VAT1: variants seen among roughly 807,000 people sequenced by gnomAD.
VAT1 encodes vesicle amine transport 1.
Under a neutral mutation model 33.3 loss-of-function variants are expected in VAT1, and 24 were observed. The observed-to-expected ratio is 0.72, with a 90% CI of 0.52 to 1.01. The LOEUF is 1.01. VAT1 is among the 50% of genes least tolerant of loss of function. The pLI, the probability that VAT1 is intolerant of heterozygous loss-of-function variation, is 0.00. For missense variants in VAT1, 436 were observed against 533.7 expected (o/e 0.82, Z 1.80); for synonymous variants, 212 against 225.0 (o/e 0.94, Z 0.52).
rs773595876 is a variant in VAT1 at position 43,022,107 on chromosome 17, C to T, written c.216G>A (p.Pro72=). ...VKLQSRPAAP[P]APGPGQLTLR... Reference sequence around the variant, plus strand: ...GCGTCAGCTGGCCGGGCCCAGGGGCCGGGGGCGCTGCCGGCCGGCTCTGCA... The same window carrying T: ...GCGTCAGCTGGCCGGGCCCAGGGGCTGGGGGCGCTGCCGGCCGGCTCTGCA... The change falls in exon 1 of 6, where the codon CCG becomes CCA. Residue 72 remains proline (P), a synonymous_variant. Transcript: ENST00000355653. 3.1e-5 allele frequency: 49 copies of T among 1,572,606 alleles called. No individual in the cohort carries two copies. The Middle Eastern group carries it at 5.9e-4, about 19-fold the overall frequency.
At chr17:43,018,560 G>A (rs759741491) in intron 2 of VAT1, 32 bp downstream of exon 2, 1 of 1,609,984 alleles carries the variant, frequency 6.2e-7, no homozygotes, top group Non-Finnish European at 8.5e-7. Context: ...TCTGGGTGGG[G>A]TAAGGGGTGA....
At chr17:43,018,325 C>T (rs1028996709) in intron 2 of VAT1, 119 bp from the exon 3 acceptor site, 48 of 1,245,530 alleles carry the variant, frequency 3.9e-5, no homozygotes, top group South Asian at 1.7e-4. Flanking sequence ...ATTTTAGGGC[C>T]GTGTCTAATT....
chr17:43,015,554 TGGGAACTGGTCAAGCCCAGAGGC>T lies in VAT1; in HGVS notation c.*484_*506del, dbSNP rs1885704707. The T allele has an allele frequency of 6.2e-6, 1 of 160,608 alleles. No individual in the cohort carries two copies. The highest frequency in any genetic ancestry group is 1.7e-4 in the South Asian group (1 of 5,724). 9.9% of individuals were successfully genotyped at this position (160,608 alleles called of 1,614,324 possible). A position where few individuals can be genotyped will look rare whatever the true frequency, so the allele number is the denominator to read the frequency against. ...AGAAGTTGGGGACAGAGGACGAGAT[TGGGAACTGGTCAAGCCCAGAGGC>T]GGGCACTGGTCAGCCCAGGCTGAAG... On this transcript the variant is annotated 3_prime_UTR_variant, in exon 6 of 6. Transcript: ENST00000355653.
chr17:43,015,027 C>T lies in VAT1; in HGVS notation c.*1034G>A, dbSNP rs2151970172. ...TGGTCCCAGTACAAGAAACAGACAG[C>T]ACTGCCTTTCAGAGCTCTGGCTAGT... On this transcript the variant is annotated 3_prime_UTR_variant, in exon 6 of 6. Transcript: ENST00000355653. 6.5e-6 allele frequency: 1 copy of T among 152,794 alleles called. No homozygotes were observed. The highest frequency in any genetic ancestry group is 1.9e-4 in the East Asian group (1 of 5,190). 9.5% of individuals were successfully genotyped at this position (152,794 alleles called of 1,614,324 possible).
chr17:43,016,591 A>C, intron 4 of VAT1, 43 bp from the exon 5 acceptor site: 1 of 1,602,838 alleles, frequency 6.2e-7, no homozygotes, highest in Non-Finnish European at 8.5e-7. Context: ...CCCCAGGCAC[A>C]TCCCTGTGTG....
chr17:43,018,771 C>G lies in VAT1; in HGVS notation c.416G>C (p.Arg139Pro). 2 of 1,614,112 alleles carry G rather than the reference C, an allele frequency of 1.2e-6. No individual in the cohort carries two copies. Among genetic ancestry groups the G allele is most frequent in the South Asian group, 1.1e-5 (1 of 91,076 alleles). ...CACCTCTTCCTGCCACATCCCTGAC[C>G]GGTTCAACACCATCACCCGGTCTCC... is the stretch of plus-strand genomic sequence containing the variant. ...KAGDRVMVLN[R>P]SGMWQEEVTV... The change falls in exon 2 of 6, where the codon CGG (arginine) becomes CCG (proline). Residue 139 changes from arginine to proline, a missense_variant. By Grantham distance (103) the Arg-to-Pro change is moderately radical (BLOSUM62 -2). Transcript: ENST00000355653.
At position 43,015,187 on chromosome 17, in the gene VAT1, C is replaced by A. The variant is rs1437689679; in HGVS notation, c.*874G>T. 1 of 152,708 alleles carries A rather than the reference C, an allele frequency of 6.5e-6. No homozygotes were observed. The highest frequency in any genetic ancestry group is 1.5e-5 in the Non-Finnish European group (1 of 68,120). The allele number at this position is 152,708 out of a possible 1,614,324, so 9.5% of individuals were successfully genotyped here. On this transcript the variant is annotated 3_prime_UTR_variant, in exon 6 of 6. Transcript: ENST00000355653. ...GCCTCCCCAGGAGGCTTGGGGCTGCCCCACCCAATGGCACATACACAGATT... is the reference window on the plus strand; with the variant it reads ...GCCTCCCCAGGAGGCTTGGGGCTGCACCACCCAATGGCACATACACAGATT...
chr17:43,022,382 G>A lies in VAT1; in HGVS notation c.-60C>T. On this transcript the variant is annotated 5_prime_UTR_variant, in exon 1 of 6. Transcript: ENST00000355653. Reference sequence around the variant, plus strand: ...GGAGAGTGCACAGCTGGGGAAGGCGGAACGCGTCGGGAAGAGCCGCGGCTG... The same window carrying A: ...GGAGAGTGCACAGCTGGGGAAGGCGAAACGCGTCGGGAAGAGCCGCGGCTG... 3 of 1,451,358 alleles carry A rather than the reference G, an allele frequency of 2.1e-6. No individual in the cohort carries two copies. The highest frequency in any genetic ancestry group is 1.8e-6 in the Non-Finnish European group (2 of 1,104,352). 89.9% of individuals were successfully genotyped at this position (1,451,358 alleles called of 1,614,324 possible).
At chr17:43,017,576 C>A (rs2050530888) in intron 4 of VAT1, among the ~76,000 whole-genome samples, 1 of 94,772 alleles carries the variant, frequency 1.1e-5, no homozygotes, top group African/African-American at 4.3e-5. Flanking sequence ...GAGCGAAACT[C>A]CATCTCAAAA....
intron 1 of VAT1, among the ~76,000 whole-genome samples, chr17:43,021,701 G>A (rs1456719350): frequency 1.3e-5 from 2 of 152,028 alleles, no homozygotes; most frequent in African/African-American, 4.8e-5. Flanking sequence ...GCTTCTGGGC[G>A]GCGGCCACAA....
At chr17:43,021,824 C>T in intron 1 of VAT1, 112 bp downstream of exon 1, 2 of 1,492,894 alleles carry the variant, frequency 1.3e-6, no homozygotes, top group Non-Finnish European at 1.8e-6. Context: ...CGCTCGTGCA[C>T]CCAGGTCCGC....
rs769944102 is a variant in VAT1 at position 43,016,292 on chromosome 17, A to G, written c.1098+15T>C. 1.2e-6 allele frequency: 2 copies of G among 1,607,072 alleles called. No homozygotes were observed. The highest frequency in any genetic ancestry group is 3.3e-5 in the Admixed American group (2 of 59,962). The stretch of plus-strand genomic sequence containing the variant: ...AGTCCTACCCAAGCCCTCCCTGCAA[A>G]GTCCTCACATTCACCTTCTCGAAGG... On this transcript the variant is annotated intron_variant, in intron 5 of 5. Transcript: ENST00000355653.
intron 4 of VAT1, among the ~76,000 whole-genome samples, chr17:43,017,458 C>T (rs2050529628): frequency 6.6e-6 from 1 of 151,516 alleles, no homozygotes; most frequent in African/African-American, 2.4e-5. Context: ...TGGCAGACAC[C>T]TGTAATTCCA....
At position 43,015,914 on chromosome 17, in the gene VAT1, G is replaced by C. The variant is rs2050516349; in HGVS notation, c.*147C>G. 1.2e-6 allele frequency: 1 copy of C among 863,048 alleles called. No individual in the cohort carries two copies. The highest frequency in any genetic ancestry group is 1.9e-6 in the Non-Finnish European group (1 of 531,590). The allele number at this position is 863,048 out of a possible 1,614,324, so 53.5% of individuals were successfully genotyped here. ...AGAGGTCAGGAAGCGGGGAGGGGCA[G>C]GGGAGAGCGGTCATCACCACAGAGA... is the stretch of plus-strand genomic sequence containing the variant. On this transcript the variant is annotated 3_prime_UTR_variant, in exon 6 of 6. Coordinates refer to ENST00000355653, the MANE Select transcript of VAT1 (RefSeq NM_006373.4).
rs1042017794 is a variant in VAT1, at chr17:43,017,440, G to A, written c.856+401C>T. Among the ~76,000 whole-genome samples, 4 of 151,550 alleles carry A rather than the reference G, an allele frequency of 2.6e-5. No individual in the cohort carries two copies. The East Asian group carries it at 7.8e-4, about 30-fold the overall frequency. ...TCTACTAAAAATACAAAAATTAGTTGGGCGTGGTGGCAGACACCTGTAATT... is the reference window on the plus strand; with the variant it reads ...TCTACTAAAAATACAAAAATTAGTTAGGCGTGGTGGCAGACACCTGTAATT... On this transcript the variant is annotated intron_variant, in intron 4 of 5. Coordinates refer to ENST00000355653, the MANE Select transcript of VAT1 (RefSeq NM_006373.4).
intron 4 of VAT1, 40 bp downstream of exon 4, chr17:43,017,801 G>A (rs758566823): frequency 1.9e-6 from 3 of 1,590,368 alleles, no homozygotes; most frequent in Non-Finnish European, 2.6e-6. Context: ...CCTCCCTCCT[G>A]CCCTCACATG....
rs1567748012 is a variant in VAT1, at chr17:43,022,284, C to T, written c.39G>A (p.Gly13=). 1 of 1,588,318 alleles carries T rather than the reference C, an allele frequency of 6.3e-7. No homozygotes were observed. The highest frequency in any genetic ancestry group is 8.6e-7 in the Non-Finnish European group (1 of 1,169,580). Residue 13 remains glycine (G), a synonymous_variant, in exon 1 of 6, where the codon GGG becomes GGA. Coordinates refer to ENST00000355653, the MANE Select transcript of VAT1 (RefSeq NM_006373.4). ...DEREVAEAAT[G]EDASSPPPKT... ...TCGGAGGCGGCGAAGAGGCGTCTTC[C>T]CCGGTCGCTGCCTCGGCTACCTCTC...
chr17:43,020,505 A>C (rs941433569), intron 1 of VAT1, among the ~76,000 whole-genome samples: 33 of 152,144 alleles, frequency 2.2e-4, no homozygotes, highest in African/African-American at 8.0e-4. Context: ...GAATCCAACA[A>C]ACCTGGCTCC....
chr17:43,020,853 C>A (rs1211705781), intron 1 of VAT1, among the ~76,000 whole-genome samples: 2 of 126,548 alleles, frequency 1.6e-5, no homozygotes, highest in Admixed American at 9.6e-5. Flanking sequence ...CCAGCCTGGG[C>A]AACAAGAGCG....
Sources: allele counts gnomAD v4.1 joint callset (sites outside exome capture counted in the v4.1 genomes callset), GRCh38; gene constraint gnomAD v4.1.1; transcripts MANE v1.5; gene names NCBI Gene and HGNC (gene_info 2026-07-23, HGNC 2026-07-21).